C4orf36: variants seen among roughly 807,000 people sequenced by gnomAD.
C4orf36 encodes the protein chromosome 4 open reading frame 36, also known as uncharacterized protein C4orf36.
A neutral mutation model predicts 12.2 loss-of-function variants in C4orf36; 11 were observed. The ratio of observed to expected loss-of-function variants is 0.90; its 90% CI spans 0.57 to 1.49. The LOEUF is 1.49. C4orf36 is among the 40% of genes most tolerant of loss of function. C4orf36 has a pLI of 0.00. For missense variants in C4orf36, 137 were observed against 133.9 expected (o/e 1.02, Z -0.11); for synonymous variants, 54 against 51.3 (o/e 1.05, Z -0.22).
Position 86,887,786 on chromosome 4 carries a change from A to G in C4orf36, c.328T>C (p.Leu110=). The G allele has an allele frequency of 6.2e-7, 1 of 1,614,260 alleles. No homozygotes were observed. Among genetic ancestry groups the G allele is most frequent in the Non-Finnish European group, 8.5e-7 (1 of 1,180,048 alleles). The change falls in exon 4 of 5, where the codon TTG becomes CTG. Residue 110 remains leucine, a synonymous_variant. Coordinates refer to ENST00000295898, the MANE Select transcript of C4orf36 (RefSeq NM_144645.4). ...QLLLRERPAG[L]RRPLPSK ...CATTTAGATGGAAGAGGTCTTCTCA[A>G]ACCGGCTGGCCTTTCCCTCAGGAGA...
intron 4 of C4orf36, among the ~76,000 whole-genome samples, chr4:86,882,568 T>A (rs1180290058): frequency 6.6e-6 from 1 of 152,132 alleles, no homozygotes; most frequent in Admixed American, 6.6e-5. Flanking sequence ...CCCACACCAC[T>A]ACAACTCTGA....
chr4:86,903,927 G>T, the C4orf36 span, among the ~76,000 whole-genome samples: 2 of 152,098 alleles, frequency 1.3e-5, no homozygotes, highest in African/African-American at 4.8e-5. Context: ...AGCGCTGATT[G>T]GTGCGTTTAC....
intron 2 of C4orf36, among the ~76,000 whole-genome samples, chr4:86,889,238 T>C (rs1458281599): frequency 6.6e-6 from 1 of 151,200 alleles, no homozygotes; most frequent in Non-Finnish European, 1.5e-5. Context: ...TAATCCCAGC[T>C]ACTTGAACCC....
At chr4:86,921,968 A>G in the C4orf36 span, among the ~76,000 whole-genome samples, 1 of 152,242 alleles carries the variant, frequency 6.6e-6, no homozygotes, top group Admixed American at 6.5e-5. Context: ...TATTTCAAGT[A>G]TAATTTTTTA....
At chr4:86,895,425 T>C (rs1283634932), upstream of C4orf36, among the ~76,000 whole-genome samples, 1 of 152,266 alleles carries the variant, frequency 6.6e-6, no homozygotes, top group East Asian at 1.9e-4. Flanking sequence ...AATATCTTAT[T>C]GTAGAAGGAA....
rs1257622845 is a variant in C4orf36 at position 86,886,453 on chromosome 4, G to C, written c.*2+1305C>G. On this transcript the variant is annotated intron_variant, in intron 4 of 4. Coordinates refer to ENST00000295898, the MANE Select transcript of C4orf36 (RefSeq NM_144645.4). Reference sequence around the variant, plus strand: ...CAACCCCATCAAAAAGTGGGCAAAGGATATGAACAGACACTTCTCAAAAGA... The same window carrying C: ...CAACCCCATCAAAAAGTGGGCAAAGCATATGAACAGACACTTCTCAAAAGA... The C allele has an allele frequency of 2.0e-5, 3 of 152,222 alleles. No individual in the cohort carries two copies. In the East Asian group the frequency reaches 5.8e-4, roughly 29 times the overall value. 9.4% of individuals were successfully genotyped at this position (152,222 alleles called of 1,614,324 possible). A position where few individuals can be genotyped will look rare whatever the true frequency, so the allele number is the denominator to read the frequency against.
chr4:86,913,534 G>A, the C4orf36 span: 7 of 908,956 alleles, frequency 7.7e-6, no homozygotes, highest in Middle Eastern at 4.8e-4. Flanking sequence ...AGGCAGCCTC[G>A]GTCATCGAAA....
the C4orf36 span, among the ~76,000 whole-genome samples, chr4:86,929,501 T>G: frequency 1.3e-5 from 2 of 152,184 alleles, no homozygotes; most frequent in African/African-American, 4.8e-5. Flanking sequence ...TGGATCTCTC[T>G]GACTTACTCC....
chr4:86,907,583 G>A, the C4orf36 span, among the ~76,000 whole-genome samples: 6 of 152,072 alleles, frequency 3.9e-5, no homozygotes, highest in Non-Finnish European at 5.9e-5. Context: ...AGCTACTTTG[G>A]GGGTATTTTC....
chr4:86,880,086 T>G (rs1747015324), intron 4 of C4orf36, among the ~76,000 whole-genome samples: 1 of 152,190 alleles, frequency 6.6e-6, no homozygotes. Flanking sequence ...ACTCCTGGTC[T>G]CAAGCAATCC....
At chr4:86,917,162 C>T in the C4orf36 span, among the ~76,000 whole-genome samples, 2 of 152,008 alleles carry the variant, frequency 1.3e-5, no homozygotes, top group Admixed American at 6.6e-5. Context: ...TGCCTGCAGC[C>T]CTAGCTATTC....
chr4:86,921,682 T>G, the C4orf36 span, among the ~76,000 whole-genome samples: 1 of 152,230 alleles, frequency 6.6e-6, no homozygotes, highest in African/African-American at 2.4e-5. Context: ...ATATGCATAA[T>G]GTAAAATTTA....
intron 2 of C4orf36, among the ~76,000 whole-genome samples, chr4:86,890,869 T>C (rs1055323256): frequency 6.6e-6 from 1 of 152,322 alleles, no homozygotes; most frequent in Non-Finnish European, 1.5e-5. Context: ...CCAATTGTTA[T>C]ATGCATCTTG....
chr4:86,922,280 A>G, the C4orf36 span, among the ~76,000 whole-genome samples: 4 of 152,236 alleles, frequency 2.6e-5, no homozygotes, highest in Non-Finnish European at 5.9e-5. Context: ...GCTATAAAAT[A>G]GCCCCAAAAC....
At chr4:86,907,620 A>G in the C4orf36 span, among the ~76,000 whole-genome samples, 13 of 152,154 alleles carry the variant, frequency 8.5e-5, no homozygotes, top group African/African-American at 2.9e-4. Context: ...CAAAGACTCA[A>G]GGGAGGAATG....
At chr4:86,929,494 ATC>A in the C4orf36 span, among the ~76,000 whole-genome samples, 2 of 152,084 alleles carry the variant, frequency 1.3e-5, no homozygotes, top group Non-Finnish European at 2.9e-5. Context: ...GCAGCTTTGG[ATC>A]TCTCTGACTT....
the C4orf36 span, among the ~76,000 whole-genome samples, chr4:86,911,882 G>A: frequency 8.6e-5 from 13 of 151,902 alleles, no homozygotes; most frequent in East Asian, 2.3e-3. Context: ...TTTTTGAGAC[G>A]GAGTTTTGCT....
the C4orf36 span, among the ~76,000 whole-genome samples, chr4:86,898,361 C>G: frequency 3.3e-5 from 5 of 151,886 alleles, no homozygotes; most frequent in Non-Finnish European, 7.4e-5. Flanking sequence ...CACTGGCCCC[C>G]AGTCTGGGTG....
At chr4:86,931,688 G>T in the C4orf36 span, among the ~76,000 whole-genome samples, 2 of 152,166 alleles carry the variant, frequency 1.3e-5, no homozygotes, top group East Asian at 3.8e-4. Context: ...CGTGATCACA[G>T]TGCCTGGCCT....
Sources: allele counts gnomAD v4.1 joint callset (sites outside exome capture counted in the v4.1 genomes callset), GRCh38; gene constraint gnomAD v4.1.1; transcripts MANE v1.5; gene names NCBI Gene and HGNC (gene_info 2026-07-23, HGNC 2026-07-21).